Variants in LRMDA observed in about 807,000 individuals in gnomAD.
LRMDA encodes the protein leucine-rich melanocyte differentiation-associated protein.
In LRMDA, 18 loss-of-function variants were observed where a neutral mutation model predicts 29.8. The ratio of observed to expected loss-of-function variants is 0.60; its 90% CI spans 0.42 to 0.90. The LOEUF is 0.90. LRMDA is among the 40% of genes least tolerant of loss of function. The probability of loss-of-function intolerance (pLI) is 0.00; values close to 1 mark genes in which losing one functional copy is unlikely to be tolerated. For synonymous variants in LRMDA, 125 were observed against 109.4 expected (o/e 1.14, Z -0.89); for missense variants, 273 against 273.9 (o/e 1.00, Z 0.02).
chr10:76,243,420 T>A (rs760006397), intron 5 of LRMDA, among the ~76,000 whole-genome samples: 12 of 152,178 alleles, frequency 7.9e-5, no homozygotes, highest in Non-Finnish European at 1.3e-4. Flanking sequence ...AACTTATTAG[T>A]GGGTGGCTGT....
chr10:75,484,316 T>C (rs1844885863), intron 2 of LRMDA, among the ~76,000 whole-genome samples: 1 of 152,292 alleles, frequency 6.6e-6, no homozygotes, highest in Admixed American at 6.5e-5. Flanking sequence ...AATATTGAGG[T>C]ACTTATAAAT....
At chr10:76,175,578 A>G (rs573529345) in intron 5 of LRMDA, among the ~76,000 whole-genome samples, 12 of 152,334 alleles carry the variant, frequency 7.9e-5, no homozygotes, top group Non-Finnish European at 1.6e-4. Flanking sequence ...AGAAGGATTC[A>G]CAAACCAAAG....
rs894988446 is a variant in LRMDA at position 76,430,532 on chromosome 10, T to G, written c.601+106047T>G. Among the ~76,000 whole-genome samples, 4 of 152,312 alleles carry G rather than the reference T, an allele frequency of 2.6e-5. No individual in the cohort carries two copies. The South Asian group carries it at 8.3e-4, about 32-fold the overall frequency. Reference sequence around the variant, plus strand: ...CAAAATTAGCCACTGCATCCTCTCATTACGGGTGCTGAGTGATTTCTCCAG... The same window carrying G: ...CAAAATTAGCCACTGCATCCTCTCAGTACGGGTGCTGAGTGATTTCTCCAG... On this transcript the variant is annotated intron_variant, in intron 6 of 6. Coordinates refer to ENST00000611255, the MANE Select transcript of LRMDA (RefSeq NM_001305581.2).
intron 6 of LRMDA, among the ~76,000 whole-genome samples, chr10:76,371,174 T>C (rs1564523081): frequency 6.6e-6 from 1 of 152,126 alleles, no homozygotes; most frequent in Admixed American, 6.6e-5. Flanking sequence ...TGATCCTTAG[T>C]TTTTTCCTTT....
chr10:76,074,017 C>A (rs1848917210), intron 5 of LRMDA, among the ~76,000 whole-genome samples: 1 of 152,134 alleles, frequency 6.6e-6, no homozygotes, highest in African/African-American at 2.4e-5. Context: ...TATAAAAGCA[C>A]AAATATGTTA....
intron 2 of LRMDA, among the ~76,000 whole-genome samples, chr10:75,728,796 G>T (rs1191425152): frequency 6.6e-6 from 1 of 152,038 alleles, no homozygotes; most frequent in Non-Finnish European, 1.5e-5. Context: ...GACTTAATGG[G>T]ATGGTGGCTA....
intron 6 of LRMDA, among the ~76,000 whole-genome samples, chr10:76,506,556 CA>C (rs752609602): frequency 7.9e-5 from 12 of 152,096 alleles, no homozygotes; most frequent in Non-Finnish European, 1.8e-4. Context: ...TATCTGCTAT[CA>C]AACACTAGAA....
intron 5 of LRMDA, among the ~76,000 whole-genome samples, chr10:76,120,828 CTTT>C (rs978706586): frequency 3.4e-4 from 44 of 130,952 alleles, no homozygotes; most frequent in African/African-American, 1.1e-3. Context: ...GTTGATTGTT[CTTT>C]TTTTTTTTTT....
intron 5 of LRMDA, among the ~76,000 whole-genome samples, chr10:76,110,557 A>T (rs1849560388): frequency 6.6e-6 from 1 of 152,080 alleles, no homozygotes. Flanking sequence ...TATCTCTCAG[A>T]ATTCCCACAT....
chr10:76,221,300 G>A (rs1272825152), intron 5 of LRMDA, among the ~76,000 whole-genome samples: 1 of 152,122 alleles, frequency 6.6e-6, no homozygotes, highest in Non-Finnish European at 1.5e-5. Context: ...GGAAATAAAG[G>A]GTATTCAATT....
intron 2 of LRMDA, among the ~76,000 whole-genome samples, chr10:75,609,828 C>A (rs1277888780): frequency 3.9e-5 from 6 of 152,088 alleles, no homozygotes; most frequent in Non-Finnish European, 8.8e-5. Flanking sequence ...CCCAGAAGGT[C>A]TTCAGTAGGC....
At chr10:75,553,874 GA>G (rs1468756556) in intron 2 of LRMDA, among the ~76,000 whole-genome samples, 1 of 152,006 alleles carries the variant, frequency 6.6e-6, no homozygotes, top group Admixed American at 6.6e-5. Flanking sequence ...GCACCATGGG[GA>G]AAAAAATGAG....
chr10:76,504,660 G>C (rs145108270), intron 6 of LRMDA, among the ~76,000 whole-genome samples: 1 of 151,808 alleles, frequency 6.6e-6, no homozygotes, highest in Non-Finnish European at 1.5e-5. Flanking sequence ...CTGTTTGCAC[G>C]GTAGATCCTG....
At chr10:75,484,956 G>C (rs1015318316) in intron 2 of LRMDA, among the ~76,000 whole-genome samples, 2 of 152,204 alleles carry the variant, frequency 1.3e-5, no homozygotes, top group Non-Finnish European at 2.9e-5. Context: ...ACTTACATTT[G>C]TAAGTATAGA....
intron 2 of LRMDA, among the ~76,000 whole-genome samples, chr10:75,591,017 C>T (rs1840718610): frequency 6.6e-6 from 1 of 152,142 alleles, no homozygotes; most frequent in Non-Finnish European, 1.5e-5. Flanking sequence ...GCTGGGATTA[C>T]AGGCATGAGC....
At position 76,363,173 on chromosome 10, in the gene LRMDA, GA is replaced by G. The variant is rs1215645765; in HGVS notation, c.601+38691del. Among the ~76,000 whole-genome samples the G allele has an allele frequency of 4.3e-3, 154 of 36,178 alleles. 1 individual carries two copies. The highest frequency in any genetic ancestry group is 7.0e-3 in the African/African-American group (63 of 8,970). 23.7% of individuals were successfully genotyped at this position (36,178 alleles called of 152,430 possible). ...AGAAAGAAAGAAAGAAAGAAAGAAA[GA>G]AAGGAGGGAGGGAGGGAGGGAGGGA... On this transcript the variant is annotated intron_variant, in intron 6 of 6. Transcript: ENST00000611255.
At chr10:76,189,578 C>T (rs1456287981) in intron 5 of LRMDA, among the ~76,000 whole-genome samples, 1 of 152,188 alleles carries the variant, frequency 6.6e-6, no homozygotes, top group Non-Finnish European at 1.5e-5. Context: ...AGGAATGTAG[C>T]ATGATCTAAT....
At chr10:75,605,135 G>A (rs146946463) in intron 2 of LRMDA, among the ~76,000 whole-genome samples, 1 of 152,300 alleles carries the variant, frequency 6.6e-6, no homozygotes, top group East Asian at 1.9e-4. Flanking sequence ...ATGCCACACA[G>A]TTCATATGAC....
intron 6 of LRMDA, among the ~76,000 whole-genome samples, chr10:76,454,453 A>G (rs1324436784): frequency 6.6e-6 from 1 of 152,134 alleles, no homozygotes; most frequent in Non-Finnish European, 1.5e-5. Flanking sequence ...CAACTTGGCT[A>G]TCCTAAAACG....
Sources: gnomAD v4.1 joint callset for allele counts (sites outside exome capture counted in the v4.1 genomes callset) on GRCh38, gnomAD v4.1.1 for gene constraint, MANE v1.5 for transcripts, NCBI Gene and HGNC (gene_info 2026-07-23, HGNC 2026-07-21) for gene names.